The following AKAP10 variants were observed in gnomAD, a reference collection of about 807,000 sequenced individuals.
AKAP10 encodes the protein A-kinase anchoring protein 10.
A neutral mutation model predicts 80.8 loss-of-function variants in AKAP10; 24 were observed. The observed-to-expected ratio is 0.30, with a 90% CI of 0.22 to 0.42. The LOEUF (loss-of-function observed/expected upper bound fraction) is 0.42. Among genes scored for constraint, AKAP10 ranks in the 10% least tolerant of loss-of-function variants. The pLI is 1.00. For missense variants in AKAP10, 661 were observed against 794.9 expected (o/e 0.83, Z 2.03); for synonymous variants, 291 against 277.7 (o/e 1.05, Z -0.48).
At chr17:19,955,985 C>T (rs554399717) in intron 4 of AKAP10, among the ~76,000 whole-genome samples, 1 of 152,280 alleles carries the variant, frequency 6.6e-6, no homozygotes, top group African/African-American at 2.4e-5. Flanking sequence ...GAAACAAATA[C>T]AGGCAGTGCC....
At chr17:19,947,293 A>C (rs2152415809) in intron 5 of AKAP10, 114 bp downstream of exon 5, 1 of 784,342 alleles carries the variant, frequency 1.3e-6, no homozygotes, top group Non-Finnish European at 2.1e-6. Flanking sequence ...CAAATTAGGA[A>C]GGGAACTGCT....
chr17:19,939,146 G>A (rs1401169780), intron 8 of AKAP10, among the ~76,000 whole-genome samples: 6 of 152,154 alleles, frequency 3.9e-5, no homozygotes, highest in Admixed American at 6.5e-5. Flanking sequence ...TTTGTTTACT[G>A]TATGATGTTT....
chr17:19,915,236 C>T (rs1308385172), intron 12 of AKAP10, among the ~76,000 whole-genome samples: 3 of 152,046 alleles, frequency 2.0e-5, no homozygotes, highest in Non-Finnish European at 2.9e-5. Context: ...ATGTGTAACA[C>T]GAATCATCAA....
In AKAP10 at chr17:19,919,654, G is replaced by A. The variant is rs560975936; in HGVS notation, c.1834+382C>T. Reference sequence around the variant, plus strand: ...AGGTGCGGTCAGACCACTGCACTCCGGTCTGGGTGACAGAGCAAGAACTGT... The same window carrying A: ...AGGTGCGGTCAGACCACTGCACTCCAGTCTGGGTGACAGAGCAAGAACTGT... On this transcript the variant is annotated intron_variant, in intron 12 of 14. Transcript: ENST00000225737. Among the ~76,000 whole-genome samples the A allele has an allele frequency of 1.6e-3, 244 of 151,602 alleles. 4 individuals are homozygous for A. Among genetic ancestry groups the A allele is most frequent in the South Asian group, 0.013 (60 of 4,796 alleles).
intron 11 of AKAP10, among the ~76,000 whole-genome samples, chr17:19,924,200 G>A (rs1597494988): frequency 6.6e-6 from 1 of 152,100 alleles, no homozygotes; most frequent in Non-Finnish European, 1.5e-5. Context: ...GAGGTTAGCG[G>A]CTGCCAATAA....
intron 4 of AKAP10, among the ~76,000 whole-genome samples, chr17:19,954,634 G>A (rs1235214243): frequency 2.0e-5 from 3 of 149,386 alleles, no homozygotes; most frequent in South Asian, 2.1e-4. Context: ...ACAGGTGCCC[G>A]CCACCACGCC....
chr17:19,973,037 T>C (rs138987600), intron 1 of AKAP10, among the ~76,000 whole-genome samples: 331 of 152,332 alleles, frequency 2.2e-3, no homozygotes, highest in African/African-American at 7.7e-3. Context: ...TGGAGTGCAG[T>C]GGTGCTATCT....
Position 19,958,258 on chromosome 17 carries a change from G to A in AKAP10, c.633C>T (p.Gly211=). Residue 211 remains glycine, a synonymous_variant, in exon 4 of 15, where the codon GGC becomes GGT. Coordinates refer to ENST00000225737, the MANE Select transcript of AKAP10 (RefSeq NM_007202.4). Reference sequence around the variant, plus strand: ...AATGAGTCATAAACAACTGTGCTGAGCCAGAATCCTCCAATCTCTTATCAA... The same window carrying A: ...AATGAGTCATAAACAACTGTGCTGAACCAGAATCCTCCAATCTCTTATCAA... ...DSLDKRLEDS[G]SAQLFMTHSE... is the part of the protein sequence containing the mutation. 7 of 1,614,148 alleles carry A rather than the reference G, an allele frequency of 4.3e-6. No individual in the cohort carries two copies. Among genetic ancestry groups the A allele is most frequent in the Non-Finnish European group, 5.1e-6 (6 of 1,180,036 alleles).
chr17:19,976,412 CAG>C (rs760152948), intron 1 of AKAP10, among the ~76,000 whole-genome samples: 128 of 151,752 alleles, frequency 8.4e-4, no homozygotes, highest in Non-Finnish European at 1.6e-3. Flanking sequence ...ACCTGGGAGA[CAG>C]AGGTTGCAGT....
Position 19,936,387 on chromosome 17 carries a change from C to G in AKAP10, c.1366G>C (p.Val456Leu). Residue 456 changes from valine to leucine, a missense_variant, in exon 9 of 15, where the codon GTT (valine) becomes CTT (leucine). By Grantham distance (32) the Val-to-Leu change is conservative. Coordinates refer to ENST00000225737, the MANE Select transcript of AKAP10 (RefSeq NM_007202.4). ...TTGGATTCAATTTCTAATCGTACAACATCATCAAATCCAAGAGGATGTGTG... is the reference window on the plus strand; with the variant it reads ...TTGGATTCAATTTCTAATCGTACAAGATCATCAAATCCAAGAGGATGTGTG... ...QATHPLGFDD[V>L]VRLEIESNIC... The G allele has an allele frequency of 6.2e-7, 1 of 1,613,576 alleles. No homozygotes were observed. The highest frequency in any genetic ancestry group is 8.5e-7 in the Non-Finnish European group (1 of 1,179,586).
chr17:19,946,205 T>TTA (rs1555576558), intron 5 of AKAP10, among the ~76,000 whole-genome samples: 3,997 of 45,246 alleles, frequency 0.088, 455 homozygotes, highest in Non-Finnish European at 0.1. Flanking sequence ...TACATATATT[T>TTA]TATATATATA....
In AKAP10 at chr17:19,941,857, G is replaced by A; in HGVS notation, c.1030C>T (p.Gln344Ter). 6.2e-7 allele frequency: 1 copy of A among 1,610,304 alleles called. No homozygotes were observed. Among genetic ancestry groups the A allele is most frequent in the Non-Finnish European group, 8.5e-7 (1 of 1,178,230 alleles). The change falls in exon 6 of 15, where the codon CAG (glutamine) becomes TAG (stop). Residue 344 changes from glutamine to a stop codon, truncating the protein, a stop_gained. Transcript: ENST00000225737. LOFTEE classifies it high-confidence loss of function. ...TCCATTGCACTAAAGACTATGGACTGTGCCAAAACGAAACAGTTGGGATCC... is the reference window on the plus strand; with the variant it reads ...TCCATTGCACTAAAGACTATGGACTATGCCAAAACGAAACAGTTGGGATCC... ...QVDPNCFVLA[Q>*]SIVFSAMEQE... is the part of the protein sequence containing the mutation.
chr17:19,946,238 TATATATATATATATATATATA>T (rs1567765507), intron 5 of AKAP10, among the ~76,000 whole-genome samples: 22 of 8,794 alleles, frequency 2.5e-3, no homozygotes, highest in African/African-American at 0.011. Flanking sequence ...ATATATATAT[TATATATATATATATATATATA>T]TATATATATA....
intron 7 of AKAP10, 140 bp downstream of exon 7, chr17:19,940,747 C>A (rs538202231): frequency 7.0e-5 from 68 of 970,550 alleles, no homozygotes; most frequent in Middle Eastern, 3.5e-4. Flanking sequence ...CTCTTGCCAT[C>A]AGAAACAACT....
At chr17:19,936,209 G>T in intron 9 of AKAP10, 77 bp downstream of exon 9, 1 of 1,485,778 alleles carries the variant, frequency 6.7e-7, no homozygotes, top group Non-Finnish European at 9.1e-7. Context: ...TATTCTGCTT[G>T]GTTTTCCCAC....
chr17:19,919,402 G>A (rs1171363051), intron 12 of AKAP10, among the ~76,000 whole-genome samples: 1 of 151,886 alleles, frequency 6.6e-6, no homozygotes, highest in African/African-American at 2.4e-5. Flanking sequence ...AATTTAATAA[G>A]GCCAGGCATG....
At chr17:19,971,279 T>C (rs1193471542) in intron 1 of AKAP10, among the ~76,000 whole-genome samples, 1 of 151,734 alleles carries the variant, frequency 6.6e-6, no homozygotes, top group African/African-American at 2.4e-5. Context: ...GAGGCCAAGT[T>C]GGGTGGAACA....
rs1335283411 is a variant in AKAP10, at chr17:19,947,509, C to T, written c.878-4G>A. The T allele has an allele frequency of 1.9e-6, 3 of 1,603,306 alleles. No homozygotes were observed. The highest frequency in any genetic ancestry group is 2.6e-6 in the Non-Finnish European group (3 of 1,171,294). ...TTCACTGCATCTTGTTCTATACCTG[C>T]AAGGGAAGAAGAGAACTTCAAAAAC... is the stretch of plus-strand genomic sequence containing the variant. On this transcript the variant is annotated splice_region_variant and splice_polypyrimidine_tract_variant and intron_variant, in intron 4 of 14. Transcript: ENST00000225737.
In AKAP10 at chr17:19,909,230, T is replaced by C. The variant is rs147421767; in HGVS notation, c.1934A>G (p.Asp645Gly). Residue 645 changes from aspartate (D) to glycine (G), a missense_variant, in exon 14 of 15, where the codon GAC becomes GGC. Transcript: ENST00000225737. ...ATCATACTGAGCCTGCTGCATAATG[T>C]CACTGACTATCATTTTAGCAATCTT... ...AWKIAKMIVS[D>G]IMQQAQYDQP... 5 of 1,613,628 alleles carry C rather than the reference T, an allele frequency of 3.1e-6. No individual in the cohort carries two copies. The African/African-American group carries it at 6.7e-5, about 22-fold the overall frequency.
Sources: gnomAD v4.1 joint callset for allele counts (sites outside exome capture counted in the v4.1 genomes callset) on GRCh38, gnomAD v4.1.1 for gene constraint, MANE v1.5 for transcripts, NCBI Gene and HGNC (gene_info 2026-07-23, HGNC 2026-07-21) for gene names.